Variants in SHLD1 observed in about 807,000 individuals in gnomAD.
SHLD1 encodes RINN1-REV7-interacting novel NHEJ regulator 3.
Under a neutral mutation model 5.5 loss-of-function variants are expected in SHLD1, and 3 were observed. The ratio of observed to expected loss-of-function variants is 0.54; its 90% CI spans 0.25 to 1.40. The LOEUF is 1.40. Among genes scored for constraint, SHLD1 ranks in the 40% most tolerant of loss-of-function variants. SHLD1 has a pLI of 0.15. For missense variants in SHLD1, 210 were observed against 244.4 expected (o/e 0.86, Z 0.94); for synonymous variants, 92 against 94.3 (o/e 0.98, Z 0.14).
chr20:5,836,326 C>A (rs1480197117), intron 2 of SHLD1, among the ~76,000 whole-genome samples: 1 of 152,106 alleles, frequency 6.6e-6, no homozygotes, highest in Non-Finnish European at 1.5e-5. Context: ...AGTGATTTTC[C>A]ATGTCTGATG....
intron 2 of SHLD1, among the ~76,000 whole-genome samples, chr20:5,783,417 T>C (rs1424395247): frequency 1.3e-5 from 2 of 152,116 alleles, no homozygotes; most frequent in African/African-American, 4.8e-5. Context: ...AGAGACAAGG[T>C]TTCACCATGT....
At chr20:5,814,700 C>A (rs910731887) in intron 2 of SHLD1, among the ~76,000 whole-genome samples, 88 of 142,034 alleles carry the variant, frequency 6.2e-4, no homozygotes, top group Admixed American at 1.2e-3. Context: ...CACTCTGTCA[C>A]CCAGGCTGCA....
intron 1 of SHLD1, among the ~76,000 whole-genome samples, chr20:5,764,174 ATT>A (rs34182994): frequency 0.28 from 27,967 of 98,264 alleles, 3,745 homozygotes; most frequent in Non-Finnish European, 0.34. Context: ...ATATATATAT[ATT>A]TTTATATATA....
intron 2 of SHLD1, among the ~76,000 whole-genome samples, chr20:5,799,198 G>A (rs1226873540): frequency 1.4e-5 from 2 of 142,310 alleles, no homozygotes; most frequent in Non-Finnish European, 3.1e-5. Flanking sequence ...GCGAGACTCT[G>A]TCTCAGAAAA....
intron 1 of SHLD1, among the ~76,000 whole-genome samples, chr20:5,767,537 A>T (rs1325371571): frequency 6.6e-6 from 1 of 152,112 alleles, no homozygotes; most frequent in Admixed American, 6.5e-5. Context: ...GACCTCATTC[A>T]TGTGCTCTTC....
At chr20:5,818,855 C>T (rs751961470) in intron 2 of SHLD1, among the ~76,000 whole-genome samples, 5 of 151,682 alleles carry the variant, frequency 3.3e-5, no homozygotes, top group Non-Finnish European at 7.4e-5. Flanking sequence ...CATGCAGTGT[C>T]CACTTCTGTT....
chr20:5,839,198 C>T (rs237096), intron 2 of SHLD1, among the ~76,000 whole-genome samples: 65,572 of 152,078 alleles, frequency 0.43, 16,656 homozygotes, highest in African/African-American at 0.7. Flanking sequence ...TTGCATTTTA[C>T]AACTTGTCAT....
chr20:5,805,147 G>A (rs932503561), intron 2 of SHLD1, among the ~76,000 whole-genome samples: 1 of 150,202 alleles, frequency 6.7e-6, no homozygotes, highest in Non-Finnish European at 1.5e-5. Flanking sequence ...CTTTATCAAA[G>A]TCTTAATCCT....
At chr20:5,753,743 A>C (rs1405879043) in intron 1 of SHLD1, among the ~76,000 whole-genome samples, 2 of 152,136 alleles carry the variant, frequency 1.3e-5, no homozygotes, top group Non-Finnish European at 1.5e-5. Context: ...CCAGCCTCTT[A>C]GCATGCTTTG....
At chr20:5,765,465 G>T (rs192112892) in intron 1 of SHLD1, among the ~76,000 whole-genome samples, 61 of 151,576 alleles carry the variant, frequency 4.0e-4, no homozygotes, top group Middle Eastern at 7.1e-3. Flanking sequence ...GGCCGGGGTG[G>T]TCTCAAACTT....
chr20:5,815,736 C>T (rs1566803), intron 2 of SHLD1, among the ~76,000 whole-genome samples: 2,425 of 152,260 alleles, frequency 0.016, 80 homozygotes, highest in Admixed American at 0.077. Context: ...TTATTGGATC[C>T]TATAGCCTCT....
At chr20:5,848,737 T>C (rs2087962858) in intron 2 of SHLD1, among the ~76,000 whole-genome samples, 1 of 152,252 alleles carries the variant, frequency 6.6e-6, no homozygotes, top group Middle Eastern at 3.2e-3. Flanking sequence ...CTTATTAAAT[T>C]GCCCTGGCGC....
At chr20:5,764,789 TAGAA>T (rs1984734002) in intron 1 of SHLD1, among the ~76,000 whole-genome samples, 1 of 152,162 alleles carries the variant, frequency 6.6e-6, no homozygotes, top group Non-Finnish European at 1.5e-5. Flanking sequence ...AAGCAAGTCA[TAGAA>T]AGAGTCTAGG....
chr20:5,816,211 T>C (rs1417574984), intron 2 of SHLD1, among the ~76,000 whole-genome samples: 1 of 152,166 alleles, frequency 6.6e-6, no homozygotes, highest in African/African-American at 2.4e-5. Flanking sequence ...TTCAACTCTA[T>C]ATTTTTTAAA....
chr20:5,847,855 A>G (rs2087950683), intron 2 of SHLD1, among the ~76,000 whole-genome samples: 1 of 152,216 alleles, frequency 6.6e-6, no homozygotes, highest in Non-Finnish European at 1.5e-5. Context: ...GAAAATGCAC[A>G]TTCCCTTCGA....
intron 1 of SHLD1, among the ~76,000 whole-genome samples, chr20:5,752,956 A>G (rs969022641): frequency 1.3e-5 from 2 of 152,074 alleles, no homozygotes; most frequent in African/African-American, 2.4e-5. Context: ...TGCCATGCCT[A>G]GCTAATTTTT....
At chr20:5,800,281 C>T (rs1273921872) in intron 2 of SHLD1, among the ~76,000 whole-genome samples, 1 of 152,248 alleles carries the variant, frequency 6.6e-6, no homozygotes, top group Non-Finnish European at 1.5e-5. Flanking sequence ...TTTTTATACT[C>T]CAAGACATCA....
intron 1 of SHLD1, chr20:5,756,760 G>A: frequency 3.7e-6 from 1 of 269,828 alleles, no homozygotes; most frequent in Non-Finnish European, 7.5e-6. Flanking sequence ...GACAATCTCA[G>A]CTCACTGCAA....
intron 2 of SHLD1, among the ~76,000 whole-genome samples, chr20:5,822,643 TGG>T (rs1487479519): frequency 6.6e-6 from 1 of 151,804 alleles, no homozygotes; most frequent in Non-Finnish European, 1.5e-5. Flanking sequence ...ACTGTTACAG[TGG>T]GTGAGTTGTT....
Sources: allele counts gnomAD v4.1 joint callset (sites outside exome capture counted in the v4.1 genomes callset), GRCh38; gene constraint gnomAD v4.1.1; transcripts MANE v1.5; gene names NCBI Gene and HGNC (gene_info 2026-07-23, HGNC 2026-07-21).